FSTL5: variants seen among roughly 807,000 people sequenced by gnomAD.
The protein encoded by FSTL5 is follistatin-related protein 5.
Under a neutral mutation model 89.1 loss-of-function variants are expected in FSTL5, and 62 were observed. The ratio of observed to expected loss-of-function variants is 0.70; its 90% confidence interval spans 0.57 to 0.86. FSTL5 has a LOEUF of 0.86. FSTL5 is among the 40% of genes least tolerant of loss of function. The probability of loss-of-function intolerance (pLI) is 0.00; values close to 1 mark genes in which losing one functional copy is unlikely to be tolerated. For missense variants in FSTL5, 1,057 were observed against 1,001.6 expected (o/e 1.06, Z -0.75); for synonymous variants, 383 against 346.2 (o/e 1.11, Z -1.18).
chr4:161,726,227 C>T (rs796881286), intron 6 of FSTL5, among the ~76,000 whole-genome samples: 28 of 113,650 alleles, frequency 2.5e-4, no homozygotes, highest in South Asian at 8.4e-4. Context: ...TTTTCTTTTT[C>T]TTTTTTTTTT....
At chr4:161,739,775 T>C (rs1448933752) in intron 6 of FSTL5, among the ~76,000 whole-genome samples, 1 of 152,074 alleles carries the variant, frequency 6.6e-6, no homozygotes, top group East Asian at 1.9e-4. Flanking sequence ...TATCTCTGTT[T>C]CGTGCAAGTT....
chr4:161,460,584 A>T (rs1733527114), intron 13 of FSTL5, among the ~76,000 whole-genome samples: 1 of 152,126 alleles, frequency 6.6e-6, no homozygotes, highest in African/African-American at 2.4e-5. Flanking sequence ...TTGTGGTTGG[A>T]AATATGGAAA....
intron 2 of FSTL5, among the ~76,000 whole-genome samples, chr4:162,092,060 A>T (rs1730571179): frequency 6.6e-6 from 1 of 151,912 alleles, no homozygotes; most frequent in African/African-American, 2.4e-5. Context: ...ACAAATCAAT[A>T]TTTTCACAAC....
chr4:161,746,129 G>A (rs1332256048), intron 6 of FSTL5, among the ~76,000 whole-genome samples: 1 of 151,364 alleles, frequency 6.6e-6, no homozygotes, highest in East Asian at 1.9e-4. Context: ...TAAAATTTCT[G>A]GAGATAGTGT....
intron 1 of FSTL5, among the ~76,000 whole-genome samples, chr4:162,133,124 T>C (rs1732379914): frequency 6.6e-6 from 1 of 152,106 alleles, no homozygotes; most frequent in South Asian, 2.1e-4. Context: ...TATTTTTGTA[T>C]TTTTTTAGTA....
chr4:161,660,061 A>G lies in FSTL5; in HGVS notation c.728-3567T>C, dbSNP rs192049239. Among the ~76,000 whole-genome samples, 918 of 152,306 alleles carry G rather than the reference A, an allele frequency of 6.0e-3. 9 individuals carry two copies. The highest frequency in any genetic ancestry group is 0.046 in the South Asian group (220 of 4,834). On this transcript the variant is annotated intron_variant, in intron 6 of 15. Coordinates refer to ENST00000306100, the MANE Select transcript of FSTL5 (RefSeq NM_020116.5). ...GTACCGAGTGTTTTGACACACTTCAAAAATTCTTTCATCTGTAAACTTTGC... is the reference window on the plus strand; with the variant it reads ...GTACCGAGTGTTTTGACACACTTCAGAAATTCTTTCATCTGTAAACTTTGC...
intron 3 of FSTL5, among the ~76,000 whole-genome samples, chr4:161,966,106 G>T (rs1005167816): frequency 6.6e-6 from 1 of 151,992 alleles, no homozygotes; most frequent in Non-Finnish European, 1.5e-5. Context: ...CAATGAAGTC[G>T]TATGGTAAGA....
chr4:161,718,083 T>G (rs1739055652), intron 6 of FSTL5, among the ~76,000 whole-genome samples: 1 of 151,010 alleles, frequency 6.6e-6, no homozygotes, highest in African/African-American at 2.4e-5. Flanking sequence ...ATAATAATGT[T>G]CATGTTTTAT....
intron 4 of FSTL5, among the ~76,000 whole-genome samples, chr4:161,844,753 A>G (rs2126874913): frequency 6.6e-6 from 1 of 152,268 alleles, no homozygotes; most frequent in Middle Eastern, 3.4e-3. Flanking sequence ...GAACACATGG[A>G]CACAGGGAGG....
chr4:161,987,463 T>C (rs1457086917), intron 3 of FSTL5, among the ~76,000 whole-genome samples: 1 of 144,198 alleles, frequency 6.9e-6, no homozygotes, highest in Non-Finnish European at 1.5e-5. Flanking sequence ...TCACTTTATA[T>C]ATATATGTAT....
chr4:161,464,681 C>T (rs1733692109), intron 13 of FSTL5, among the ~76,000 whole-genome samples: 2 of 152,048 alleles, frequency 1.3e-5, no homozygotes, highest in South Asian at 4.2e-4. Context: ...ATAGTATTCT[C>T]AATTTATAAT....
rs972622440 is a variant in FSTL5 at position 162,032,423 on chromosome 4, C to T, written c.160+1202G>A. Among the ~76,000 whole-genome samples, 11 of 152,122 alleles carry T rather than the reference C, an allele frequency of 7.2e-5. No individual in the cohort carries two copies. The East Asian group carries it at 7.7e-4, about 11-fold the overall frequency. On this transcript the variant is annotated intron_variant, in intron 3 of 15. Transcript: ENST00000306100. ...TGAGTATAAATAAGTGTAATAATTTCGCATATAAAATAACAAGCGATACTT... is the reference window on the plus strand; with the variant it reads ...TGAGTATAAATAAGTGTAATAATTTTGCATATAAAATAACAAGCGATACTT...
intron 4 of FSTL5, among the ~76,000 whole-genome samples, chr4:161,848,036 C>CAAAAAAAAAAAAAA (rs139315536): frequency 2.5e-4 from 12 of 48,222 alleles, no homozygotes; most frequent in African/African-American, 3.6e-4. Context: ...GACTCCGTCT[C>CAAAAAAAAAAAAAA]AAAAAAAAAA....
chr4:161,854,629 A>G (rs1179258728), intron 4 of FSTL5, among the ~76,000 whole-genome samples: 1 of 152,168 alleles, frequency 6.6e-6, no homozygotes, highest in Non-Finnish European at 1.5e-5. Flanking sequence ...AGTGTGACAC[A>G]AATAAGAAAT....
intron 3 of FSTL5, among the ~76,000 whole-genome samples, chr4:161,966,507 C>G (rs1274569596): frequency 6.6e-6 from 1 of 152,046 alleles, no homozygotes; most frequent in Non-Finnish European, 1.5e-5. Flanking sequence ...AGGGTCTTTA[C>G]AGAGATGATA....
At chr4:161,972,146 G>C (rs1288390657) in intron 3 of FSTL5, among the ~76,000 whole-genome samples, 1 of 152,094 alleles carries the variant, frequency 6.6e-6, no homozygotes, top group African/African-American at 2.4e-5. Context: ...AGGCTGGAGT[G>C]CAGTGGTGGG....
Position 161,441,735 on chromosome 4 carries a change from TG to T in FSTL5, c.1841+13268del, listed in dbSNP as rs1184532428. Among the ~76,000 whole-genome samples, 15 of 152,264 alleles carry T rather than the reference TG, an allele frequency of 9.9e-5. No homozygotes were observed. In the East Asian group the frequency reaches 2.1e-3, roughly 22 times the overall value. On this transcript the variant is annotated intron_variant, in intron 15 of 15. Transcript: ENST00000306100. ...ATTACTCCCAGGGTTCAAGGTTTTT[TG>T]AATCATAAGTTTCCATCAAATCCTA...
In FSTL5 at chr4:161,936,242, T is replaced by A. The variant is rs1734429044; in HGVS notation, c.161-15590A>T. 4.6e-5 allele frequency among the ~76,000 whole-genome samples: 7 copies of A among 152,158 alleles called. No homozygotes were observed. In the South Asian group the frequency reaches 1.5e-3, roughly 32 times the overall value. ...ATAAAGAAAGCAATGAAAGTTCTTT[T>A]GCATATATCTACACATATACATAAT... On this transcript the variant is annotated intron_variant, in intron 3 of 15. Transcript: ENST00000306100.
chr4:161,656,389 G>A lies in FSTL5; in HGVS notation c.833C>T (p.Pro278Leu), dbSNP rs752894971. Residue 278 changes from proline (P) to leucine (L), a missense_variant, in exon 7 of 16, where the codon CCT (proline) becomes CTT (leucine). Pro to Leu is a moderately conservative substitution (Grantham distance 98). Transcript: ENST00000306100. ...LSCAIQGTLR[P>L]PIIWKRNNII... ...ATTGTTCCTTTTCCAGATAATGGGA[G>A]GTCTCAGGGTTCCTTGAATGGCACA... 3.7e-6 allele frequency: 6 copies of A among 1,607,090 alleles called. No homozygotes were observed. In the African/African-American group the frequency reaches 5.4e-5, roughly 14 times the overall value.
Sources: allele counts gnomAD v4.1 joint callset (sites outside exome capture counted in the v4.1 genomes callset), GRCh38; gene constraint gnomAD v4.1.1; transcripts MANE v1.5; gene names NCBI Gene and HGNC (gene_info 2026-07-23, HGNC 2026-07-21).